The following ENPP6 variants were observed in gnomAD, a reference collection of about 807,000 sequenced individuals.
ENPP6 encodes the protein glycerophosphocholine cholinephosphodiesterase ENPP6.
In ENPP6, 32 loss-of-function variants were observed where a neutral mutation model predicts 42.0. That is an observed-to-expected ratio of 0.76 (90% CI 0.58 to 1.02). ENPP6 has a LOEUF of 1.02. ENPP6 is among the 50% of genes least tolerant of loss of function. The pLI is 0.00. For synonymous variants in ENPP6, 213 were observed against 216.0 expected (o/e 0.99, Z 0.12); for missense variants, 552 against 566.8 (o/e 0.97, Z 0.27).
At chr4:184,204,658 T>A (rs770769228) in intron 1 of ENPP6, among the ~76,000 whole-genome samples, 26 of 152,190 alleles carry the variant, frequency 1.7e-4, no homozygotes, top group Non-Finnish European at 3.4e-4. Context: ...TTGACACAGC[T>A]CTCCTTGGAG....
Position 184,117,877 on chromosome 4 carries a change from G to C in ENPP6, c.557C>G (p.Ala186Gly), listed in dbSNP as rs1736349152. 1 of 1,614,066 alleles carries C rather than the reference G, an allele frequency of 6.2e-7. No homozygotes were observed. Among genetic ancestry groups the C allele is most frequent in the African/African-American group, 1.3e-5 (1 of 74,940 alleles). The change falls in exon 4 of 8, where the codon GCC (alanine) becomes GGC (glycine). Residue 186 changes from alanine to glycine, a missense_variant. Physicochemically the swap from Ala to Gly is moderately conservative, Grantham distance 60 (BLOSUM62 0). Transcript: ENST00000296741. The stretch of plus-strand genomic sequence containing the variant: ...CACGTCAATGCGCTCATGGTATATG[G>C]CTGCCAGGTCGGCCCGGCCACTCCT... ...SFKSGRADLA[A>G]IYHERIDVEG... is the part of the protein sequence containing the mutation.
At chr4:184,167,360 C>T (rs1397606516) in intron 1 of ENPP6, among the ~76,000 whole-genome samples, 1 of 152,158 alleles carries the variant, frequency 6.6e-6, no homozygotes, top group Admixed American at 6.5e-5. Flanking sequence ...GGTGATCCGC[C>T]CCCCTTGGCC....
Position 184,116,813 on chromosome 4 carries a change from G to A in ENPP6, c.855+43C>T, listed in dbSNP as rs747611869. 11 of 1,605,956 alleles carry A rather than the reference G, an allele frequency of 6.8e-6. No homozygotes were observed. The Admixed American group carries it at 8.4e-5, about 12-fold the overall frequency. ...AGACAGTGCAGATGGCAACACACGA[G>A]GGCCCACATGGCCCTCCTCCGCCCC... On this transcript the variant is annotated intron_variant, in intron 5 of 7. Coordinates refer to ENST00000296741, the MANE Select transcript of ENPP6 (RefSeq NM_153343.4).
chr4:184,186,078 A>G (rs1420258453), intron 1 of ENPP6, among the ~76,000 whole-genome samples: 1 of 152,220 alleles, frequency 6.6e-6, no homozygotes, highest in Non-Finnish European at 1.5e-5. Context: ...CAGTGATTAA[A>G]TAAAGCAAAT....
In ENPP6 at chr4:184,201,421, G is replaced by T. The variant is rs572986071; in HGVS notation, c.241+16158C>A. On this transcript the variant is annotated intron_variant, in intron 1 of 7. Transcript: ENST00000296741. The stretch of plus-strand genomic sequence containing the variant: ...GGGGTGAGGGAGGCGGGGCGGGGGG[G>T]TGTTGTGAGATCGCCATGGTGTGTA... Among the ~76,000 whole-genome samples, 15 of 152,286 alleles carry T rather than the reference G, an allele frequency of 9.8e-5. No homozygotes were observed. In the South Asian group the frequency reaches 2.7e-3, roughly 27 times the overall value.
At chr4:184,206,251 A>ATTCTTT (rs752341794) in intron 1 of ENPP6, among the ~76,000 whole-genome samples, 2,418 of 93,260 alleles carry the variant, frequency 0.026, 302 homozygotes, top group South Asian at 0.077. Context: ...GGAAGCTTGA[A>ATTCTTT]TTTTTTTTTT....
intron 2 of ENPP6, among the ~76,000 whole-genome samples, chr4:184,132,740 T>C (rs1186828917): frequency 1.3e-5 from 2 of 151,708 alleles, no homozygotes; most frequent in African/African-American, 4.8e-5. Context: ...TCATATATGG[T>C]ATTAGATAGT....
At chr4:184,115,547 A>C (rs1250421570) in intron 5 of ENPP6, among the ~76,000 whole-genome samples, 1 of 152,134 alleles carries the variant, frequency 6.6e-6, no homozygotes, top group Non-Finnish European at 1.5e-5. Flanking sequence ...GAACTCAACC[A>C]CACCCTCTGG....
At chr4:184,181,007 C>T (rs1331204281) in intron 1 of ENPP6, among the ~76,000 whole-genome samples, 1 of 152,120 alleles carries the variant, frequency 6.6e-6, no homozygotes, top group Non-Finnish European at 1.5e-5. Context: ...AAGTTCTGGC[C>T]TGGGCAATCA....
intron 1 of ENPP6, among the ~76,000 whole-genome samples, chr4:184,199,075 A>C (rs1275221809): frequency 6.6e-6 from 1 of 152,220 alleles, no homozygotes; most frequent in Non-Finnish European, 1.5e-5. Context: ...AGACCAAGGG[A>C]ACACGCATGA....
rs1253526255 is a variant in ENPP6, at chr4:184,110,212, C to T, written c.993+2460G>A. Among the ~76,000 whole-genome samples, 6 of 152,300 alleles carry T rather than the reference C, an allele frequency of 3.9e-5. No individual in the cohort carries two copies. In the East Asian group the frequency reaches 1.2e-3, roughly 29 times the overall value. On this transcript the variant is annotated intron_variant, in intron 6 of 7. Coordinates refer to ENST00000296741, the MANE Select transcript of ENPP6 (RefSeq NM_153343.4). ...TCTTTGTTTCGGGGCCCCAGTCTACCTGACTCCTGGCCTCTGTTTCACTTT... is the reference window on the plus strand; with the variant it reads ...TCTTTGTTTCGGGGCCCCAGTCTACTTGACTCCTGGCCTCTGTTTCACTTT...
rs112494571 is a variant in ENPP6, at chr4:184,153,881, T to C, written c.242-148A>G. The stretch of plus-strand genomic sequence containing the variant: ...CTTTTGACTTTAAAAAAAAATCAGA[T>C]TTTTTTTTCTTAAGCTGTGCCATGA... On this transcript the variant is annotated intron_variant, in intron 1 of 7. Transcript: ENST00000296741. 811 of 791,790 alleles carry C rather than the reference T, an allele frequency of 1.0e-3. 3 individuals carry two copies. Among genetic ancestry groups the C allele is most frequent in the South Asian group, 2.1e-3 (85 of 39,890 alleles). 49.0% of individuals were successfully genotyped at this position (791,790 alleles called of 1,614,324 possible).
intron 2 of ENPP6, among the ~76,000 whole-genome samples, chr4:184,149,534 G>C (rs916859904): frequency 6.6e-6 from 1 of 152,130 alleles, no homozygotes; most frequent in Non-Finnish European, 1.5e-5. Flanking sequence ...GTGTCTTATT[G>C]GTCTGAAGGC....
chr4:184,112,204 T>C (rs1736205991), intron 6 of ENPP6, among the ~76,000 whole-genome samples: 1 of 152,120 alleles, frequency 6.6e-6, no homozygotes, highest in Admixed American at 6.5e-5. Flanking sequence ...ATGAGGCAAT[T>C]AAGGTTTGGA....
At chr4:184,103,483 T>C (rs1191540600) in intron 6 of ENPP6, among the ~76,000 whole-genome samples, 1 of 152,172 alleles carries the variant, frequency 6.6e-6, no homozygotes, top group African/African-American at 2.4e-5. Context: ...TCCCTGAAAA[T>C]ACAATACACT....
intron 2 of ENPP6, among the ~76,000 whole-genome samples, chr4:184,138,335 G>A (rs1001160651): frequency 1.3e-5 from 2 of 152,150 alleles, no homozygotes. Context: ...AAATCACACA[G>A]TGATCTATCA....
intron 6 of ENPP6, among the ~76,000 whole-genome samples, chr4:184,102,006 T>A (rs4482809): frequency 0.17 from 25,379 of 152,190 alleles, 2,283 homozygotes; most frequent in African/African-American, 0.24. Flanking sequence ...CAGCTCCCCA[T>A]GATAATGCCT....
intron 1 of ENPP6, among the ~76,000 whole-genome samples, chr4:184,161,779 A>G (rs1252186133): frequency 6.6e-6 from 1 of 152,218 alleles, no homozygotes; most frequent in Non-Finnish European, 1.5e-5. Flanking sequence ...AGTAACTCAG[A>G]AATGGAAAAC....
At chr4:184,132,316 T>C (rs562352220) in intron 2 of ENPP6, among the ~76,000 whole-genome samples, 2 of 152,284 alleles carry the variant, frequency 1.3e-5, no homozygotes, top group East Asian at 3.9e-4. Context: ...CTACCAAGGC[T>C]GAGTGTCTTT....
Sources: gnomAD v4.1 joint callset for allele counts (sites outside exome capture counted in the v4.1 genomes callset) on GRCh38, gnomAD v4.1.1 for gene constraint, MANE v1.5 for transcripts, NCBI Gene and HGNC (gene_info 2026-07-23, HGNC 2026-07-21) for gene names.